KIF20B: variants seen among roughly 807,000 people sequenced by gnomAD.
KIF20B encodes kinesin family member 20B, also known as kinesin-like protein KIF20B.
A neutral mutation model predicts 232.5 loss-of-function variants in KIF20B; 188 were observed. That is an observed-to-expected ratio of 0.81 (90% CI 0.72 to 0.91). KIF20B has a LOEUF of 0.91. Ranked by LOEUF, KIF20B falls within the 40% of genes least tolerant of loss-of-function variation. The pLI, the probability that KIF20B is intolerant of heterozygous loss-of-function variation, is 0.00. For missense variants in KIF20B, 2,154 were observed against 2,055.9 expected, an observed-to-expected ratio of 1.05 and a Z score of -0.92; for synonymous variants, 712 against 683.0, an observed-to-expected ratio of 1.04 and a Z score of -0.66.
At chr10:89,706,165 A>G (rs1842719473) in intron 2 of KIF20B, among the ~76,000 whole-genome samples, 1 of 152,172 alleles carries the variant, frequency 6.6e-6, no homozygotes, top group Non-Finnish European at 1.5e-5. Context: ...ACACTTGATA[A>G]TGGAACTTTT....
intron 11 of KIF20B, 99 bp downstream of exon 11, chr10:89,717,821 GCTT>G: frequency 1.4e-6 from 1 of 721,206 alleles, no homozygotes; most frequent in South Asian, 2.1e-5. Context: ...TTTTTAAACT[GCTT>G]CTTATGTAAT....
At position 89,705,573 on chromosome 10, in the gene KIF20B, A is replaced by C. The variant is rs1564655778; in HGVS notation, c.147+132A>C. The C allele has an allele frequency of 4.5e-5, 32 of 716,838 alleles. No individual in the cohort carries two copies. The South Asian group carries it at 7.8e-4, about 17-fold the overall frequency. The allele number at this position is 716,838 out of a possible 1,614,324, so 44.4% of individuals were successfully genotyped here. ...GCTAAGAATTGTTTTTATATTTTTA[A>C]ATAGTGGAAGAAAAATCAAAATAGG... On this transcript the variant is annotated intron_variant, in intron 2 of 32. Coordinates refer to ENST00000371728, the MANE Select transcript of KIF20B (RefSeq NM_001284259.2).
In KIF20B at chr10:89,765,646, A is replaced by G. The variant is rs569627741; in HGVS notation, c.4990-2644A>G. ...CCTGACTTAACTATACTACAAGGCTACAGTAACCAAAACAGCATGGTACTG... is the reference window on the plus strand; with the variant it reads ...CCTGACTTAACTATACTACAAGGCTGCAGTAACCAAAACAGCATGGTACTG... On this transcript the variant is annotated intron_variant, in intron 29 of 32. Coordinates refer to ENST00000371728, the MANE Select transcript of KIF20B (RefSeq NM_001284259.2). 4.6e-5 allele frequency among the ~76,000 whole-genome samples: 7 copies of G among 152,298 alleles called. 1 individual carries two copies. Among genetic ancestry groups the G allele is most frequent in the African/African-American group, 1.4e-4 (6 of 41,580 alleles).
At chr10:89,735,134 A>G (rs1167960741) in intron 19 of KIF20B, among the ~76,000 whole-genome samples, 1 of 152,214 alleles carries the variant, frequency 6.6e-6, no homozygotes, top group Non-Finnish European at 1.5e-5. Context: ...TAAAGTTACC[A>G]TAAAGTAACA....
chr10:89,755,733 A>G (rs991893116), intron 26 of KIF20B, among the ~76,000 whole-genome samples: 2 of 152,004 alleles, frequency 1.3e-5, no homozygotes, highest in Admixed American at 6.6e-5. Context: ...AACTGGGACT[A>G]CAGGCACATG....
intron 12 of KIF20B, among the ~76,000 whole-genome samples, chr10:89,719,076 T>C (rs1842994379): frequency 6.6e-6 from 1 of 152,192 alleles, no homozygotes. Context: ...GAATTAGTAA[T>C]AAACATCAGT....
At chr10:89,766,833 C>T (rs1483229380) in intron 29 of KIF20B, among the ~76,000 whole-genome samples, 1 of 151,698 alleles carries the variant, frequency 6.6e-6, no homozygotes, top group Non-Finnish European at 1.5e-5. Context: ...TGGAGTCTTA[C>T]TAGTTAACTT....
intron 23 of KIF20B, among the ~76,000 whole-genome samples, chr10:89,746,416 C>T (rs758556335): frequency 5.9e-5 from 9 of 152,116 alleles, no homozygotes; most frequent in South Asian, 2.1e-4. Context: ...CCTGGGCGGC[C>T]GGACTCTCCT....
At chr10:89,736,064 G>C (rs1841645962) in intron 19 of KIF20B, among the ~76,000 whole-genome samples, 1 of 152,174 alleles carries the variant, frequency 6.6e-6, no homozygotes. Context: ...ATATGGAATT[G>C]ATTGTATTAG....
chr10:89,730,900 C>T (rs536923046), intron 18 of KIF20B, among the ~76,000 whole-genome samples: 1 of 152,194 alleles, frequency 6.6e-6, no homozygotes, highest in Non-Finnish European at 1.5e-5. Context: ...TGGAATTAGA[C>T]TACAGGCAGA....
chr10:89,756,202 C>A (rs556336942), intron 26 of KIF20B, among the ~76,000 whole-genome samples: 1 of 152,146 alleles, frequency 6.6e-6, no homozygotes, highest in South Asian at 2.1e-4. Context: ...TTTACTTTTT[C>A]ATGAAATCAT....
intron 13 of KIF20B, among the ~76,000 whole-genome samples, chr10:89,720,506 G>C (rs1353570255): frequency 6.6e-6 from 1 of 152,152 alleles, no homozygotes; most frequent in Non-Finnish European, 1.5e-5. Flanking sequence ...GACCATGTGA[G>C]TATCCTTTCA....
chr10:89,747,545 A>G (rs993769011), intron 23 of KIF20B, among the ~76,000 whole-genome samples: 16 of 150,378 alleles, frequency 1.1e-4, no homozygotes, highest in Non-Finnish European at 2.1e-4. Context: ...ACCATGGAAT[A>G]CTACACAGCC....
rs370427747 is a variant in KIF20B, at chr10:89,774,690, A to G, written c.*642A>G. The G allele has an allele frequency of 3.3e-4, 50 of 152,112 alleles. No homozygotes were observed. The East Asian group carries it at 4.6e-3, about 14-fold the overall frequency. The allele number at this position is 152,112 out of a possible 1,614,324, so 9.4% of individuals were successfully genotyped here. A position where few individuals can be genotyped will look rare whatever the true frequency, so the allele number is the denominator to read the frequency against. ...TTTCCTTTGAATTACAGATAATCCA[A>G]TTACATTCTTTAGATCATTTAAAAA... On this transcript the variant is annotated 3_prime_UTR_variant, in exon 33 of 33. Coordinates refer to ENST00000371728, the MANE Select transcript of KIF20B (RefSeq NM_001284259.2).
chr10:89,743,907 C>A lies in KIF20B; in HGVS notation c.4015C>A (p.Arg1339=). 1.3e-6 allele frequency: 2 copies of A among 1,583,270 alleles called. No individual in the cohort carries two copies. Among genetic ancestry groups the A allele is most frequent in the South Asian group, 2.4e-5 (2 of 83,546 alleles). ...TTCTCAGGAATTAGATATGAAACAG[C>A]GAACCATTCAGCAACTCAAGGTAAA... The part of the protein sequence containing the change: ...QCSQELDMKQ[R]TIQQLKEQLN... The change falls in exon 22 of 33, where the codon CGA becomes AGA. Residue 1339 remains arginine, a synonymous_variant. Coordinates refer to ENST00000371728, the MANE Select transcript of KIF20B (RefSeq NM_001284259.2).
At chr10:89,722,251 A>T (rs966010501) in intron 13 of KIF20B, among the ~76,000 whole-genome samples, 3 of 152,214 alleles carry the variant, frequency 2.0e-5, no homozygotes, top group Non-Finnish European at 4.4e-5. Flanking sequence ...TTTAAAAACC[A>T]TTATAAAATA....
intron 11 of KIF20B, among the ~76,000 whole-genome samples, chr10:89,718,214 T>C (rs1403494932): frequency 6.7e-6 from 1 of 150,012 alleles, no homozygotes; most frequent in African/African-American, 2.4e-5. Context: ...TGGGTTATTG[T>C]TAGTAAGTAG....
Position 89,732,896 on chromosome 10 carries a change from G to C in KIF20B, c.2392-7G>C, listed in dbSNP as rs924208100. ...ATGTGAATTATTTTTAACTTATTTT[G>C]CTTTAGGACAAGGCTGATACATCTT... is the stretch of plus-strand genomic sequence containing the variant. On this transcript the variant is annotated splice_region_variant and splice_polypyrimidine_tract_variant and intron_variant, in intron 18 of 32. Coordinates refer to ENST00000371728, the MANE Select transcript of KIF20B (RefSeq NM_001284259.2). 6.5e-7 allele frequency: 1 copy of C among 1,545,026 alleles called. No individual in the cohort carries two copies. Among genetic ancestry groups the C allele is most frequent in the Non-Finnish European group, 8.7e-7 (1 of 1,144,522 alleles).
At chr10:89,764,570 T>C (rs1842314475) in intron 29 of KIF20B, among the ~76,000 whole-genome samples, 1 of 152,200 alleles carries the variant, frequency 6.6e-6, no homozygotes, top group Admixed American at 6.5e-5. Flanking sequence ...GTTCCCTGAC[T>C]TTTTAATGAT....
Sources: allele counts gnomAD v4.1 joint callset (sites outside exome capture counted in the v4.1 genomes callset), GRCh38; gene constraint gnomAD v4.1.1; transcripts MANE v1.5; gene names NCBI Gene and HGNC (gene_info 2026-07-23, HGNC 2026-07-21).